The following ARHGAP6 variants were observed in gnomAD, a reference collection of about 807,000 sequenced individuals.
ARHGAP6 encodes Rho GTPase activating protein 6.
Under a neutral mutation model 55.7 loss-of-function variants are expected in ARHGAP6, and 16 were observed. The ratio of observed to expected loss-of-function variants is 0.29; its 90% CI spans 0.19 to 0.44. The LOEUF is 0.44. ARHGAP6 is among the 20% of genes least tolerant of loss of function. ARHGAP6 has a pLI of 1.00. For synonymous variants in ARHGAP6, 382 were observed against 360.9 expected, an observed-to-expected ratio of 1.06 and a Z score of -0.66; for missense variants, 698 against 808.9, an observed-to-expected ratio of 0.86 and a Z score of 1.66.
At chrX:11,534,914 G>A (rs779799616) in intron 1 of ARHGAP6, among the ~76,000 whole-genome samples, 24 of 111,154 alleles carry the variant, frequency 2.2e-4, no homozygotes, top group Non-Finnish European at 4.2e-4. Flanking sequence ...CCTTACAAGT[G>A]CCCAACAGCT....
At chrX:11,584,842 T>A (rs2051708500) in intron 1 of ARHGAP6, among the ~76,000 whole-genome samples, 1 of 111,833 alleles carries the variant, frequency 8.9e-6, no homozygotes, top group South Asian at 3.7e-4. Flanking sequence ...AATATTTTAT[T>A]CTTTAACTTT....
intron 2 of ARHGAP6, among the ~76,000 whole-genome samples, chrX:11,206,557 A>T (rs1376125272): frequency 8.9e-6 from 1 of 112,063 alleles, no homozygotes; most frequent in African/African-American, 3.2e-5. Context: ...AGCTTGCAGG[A>T]TACATTTATC....
chrX:11,596,769 T>G (rs2051908692), intron 1 of ARHGAP6, among the ~76,000 whole-genome samples: 1 of 111,330 alleles, frequency 9.0e-6, no homozygotes, highest in Admixed American at 9.6e-5. Context: ...ATACTTATCT[T>G]TGATACTCAA....
rs771837681 is a variant in ARHGAP6, at chrX:11,466,023, C to T, written c.588+198218G>A. Among the ~76,000 whole-genome samples, 25 of 110,878 alleles carry T rather than the reference C, an allele frequency of 2.3e-4. 1 individual carries two copies. In the South Asian group the frequency reaches 7.5e-3, roughly 33 times the overall value. Reference sequence around the variant, plus strand: ...AGAACAGTTAACCCTGCCCATCTTCCGAGGCCCAGTTCAGATGTCTTTTCC... The same window carrying T: ...AGAACAGTTAACCCTGCCCATCTTCTGAGGCCCAGTTCAGATGTCTTTTCC... On this transcript the variant is annotated intron_variant, in intron 1 of 12. Transcript: ENST00000337414.
At chrX:11,530,410 G>C (rs992117216) in intron 1 of ARHGAP6, among the ~76,000 whole-genome samples, 1 of 112,119 alleles carries the variant, frequency 8.9e-6, no homozygotes, top group Admixed American at 9.5e-5. Flanking sequence ...AGTAAAACAC[G>C]GACTCAACTT....
chrX:11,193,840 G>GTA (rs1317030029), intron 3 of ARHGAP6, among the ~76,000 whole-genome samples: 2 of 112,453 alleles, frequency 1.8e-5, no homozygotes, highest in Non-Finnish European at 1.9e-5. Flanking sequence ...CTGCTGCTTT[G>GTA]TATATATAAT....
At chrX:11,607,144 T>C (rs891459908) in intron 1 of ARHGAP6, among the ~76,000 whole-genome samples, 1 of 112,507 alleles carries the variant, frequency 8.9e-6, no homozygotes, top group African/African-American at 3.2e-5. Context: ...TAAGTGTATA[T>C]AATAATCTGT....
chrX:11,252,494 G>A (rs1219423395), intron 2 of ARHGAP6, among the ~76,000 whole-genome samples: 1 of 112,327 alleles, frequency 8.9e-6, no homozygotes, highest in Non-Finnish European at 1.9e-5. Context: ...GCAGGAGGGC[G>A]TTTCTCAAGG....
intron 1 of ARHGAP6, among the ~76,000 whole-genome samples, chrX:11,556,089 AT>A (rs1350745331): frequency 9.0e-6 from 1 of 111,398 alleles, no homozygotes; most frequent in Admixed American, 9.5e-5. Flanking sequence ...TCTGCGCCAA[AT>A]ACTAGGTATA....
intron 1 of ARHGAP6, among the ~76,000 whole-genome samples, chrX:11,360,740 T>C (rs2048999188): frequency 9.0e-6 from 1 of 111,064 alleles, no homozygotes; most frequent in Non-Finnish European, 1.9e-5. Flanking sequence ...GACGACACGA[T>C]TGTATATCTA....
intron 2 of ARHGAP6, among the ~76,000 whole-genome samples, chrX:11,213,113 G>C (rs949682742): frequency 7.1e-5 from 8 of 112,575 alleles, no homozygotes; most frequent in Non-Finnish European, 1.3e-4. Flanking sequence ...GGGAGTGCTC[G>C]GAATCCTGTC....
At chrX:11,633,282 C>G (rs1366793660) in intron 1 of ARHGAP6, among the ~76,000 whole-genome samples, 1 of 112,502 alleles carries the variant, frequency 8.9e-6, no homozygotes, top group Non-Finnish European at 1.9e-5. Flanking sequence ...TACCTTTTCC[C>G]TTATAGTATT....
At chrX:11,500,663 C>CAAAAAAAAA (rs995574477) in intron 1 of ARHGAP6, among the ~76,000 whole-genome samples, 6 of 33,587 alleles carry the variant, frequency 1.8e-4, no homozygotes, top group Admixed American at 8.0e-4. Flanking sequence ...CAGACTCTGT[C>CAAAAAAAAA]AAAAAAAAAA....
At chrX:11,476,427 T>C (rs1203408251) in intron 1 of ARHGAP6, among the ~76,000 whole-genome samples, 2 of 111,840 alleles carry the variant, frequency 1.8e-5, no homozygotes, top group African/African-American at 6.5e-5. Flanking sequence ...AATTTCAGTG[T>C]AATCTCAATC....
rs578242686 is a variant in ARHGAP6 at position 11,549,574 on chromosome X, A to C, written c.588+114667T>G. Among the ~76,000 whole-genome samples, 3 of 112,113 alleles carry C rather than the reference A, an allele frequency of 2.7e-5. No homozygotes were observed. In the Admixed American group the frequency reaches 2.8e-4, roughly 11 times the overall value. ...CTGTGCTTCTCAGTCTGTAATGTGC[A>C]CACAAATCACCTAGAAATGCAGATT... On this transcript the variant is annotated intron_variant, in intron 1 of 12. Coordinates refer to ENST00000337414, the MANE Select transcript of ARHGAP6 (RefSeq NM_013427.3).
intron 1 of ARHGAP6, among the ~76,000 whole-genome samples, chrX:11,602,952 T>C (rs1344736651): frequency 8.9e-6 from 1 of 112,276 alleles, no homozygotes; most frequent in African/African-American, 3.2e-5. Flanking sequence ...GTCTGAGTGA[T>C]AGGACATTTA....
chrX:11,350,004 G>C (rs761350133), intron 1 of ARHGAP6, among the ~76,000 whole-genome samples: 2 of 111,630 alleles, frequency 1.8e-5, no homozygotes, highest in African/African-American at 3.3e-5. Flanking sequence ...GCCTTACAAG[G>C]TGGTTGTGAG....
At chrX:11,218,795 C>T (rs1010016231) in intron 2 of ARHGAP6, among the ~76,000 whole-genome samples, 5 of 111,481 alleles carry the variant, frequency 4.5e-5, no homozygotes, top group Non-Finnish European at 9.4e-5. Flanking sequence ...ATTTCTGTGG[C>T]ATCAGTAGTG....
chrX:11,346,922 A>AAAACAAACAAAC (rs762899705), intron 1 of ARHGAP6, among the ~76,000 whole-genome samples: 5 of 108,359 alleles, frequency 4.6e-5, no homozygotes, highest in South Asian at 4.0e-4. Context: ...TTTCTCTTGA[A>AAAACAAACAAAC]AAACAAACAA....
Sources: allele counts gnomAD v4.1 joint callset (sites outside exome capture counted in the v4.1 genomes callset), GRCh38; gene constraint gnomAD v4.1.1; transcripts MANE v1.5; gene names NCBI Gene and HGNC (gene_info 2026-07-23, HGNC 2026-07-21).